Variants in AUTS2 observed in about 807,000 individuals in gnomAD.
AUTS2 encodes activator of transcription and developmental regulator AUTS2.
A neutral mutation model predicts 112.4 loss-of-function variants in AUTS2; 17 were observed. That is an observed-to-expected ratio of 0.15 (90% CI 0.10 to 0.23). AUTS2 has a LOEUF of 0.23. Ranked by LOEUF, AUTS2 falls within the 10% of genes least tolerant of loss-of-function variation. AUTS2 has a pLI of 1.00. For missense variants in AUTS2, 1,510 were observed against 1,701.6 expected, an observed-to-expected ratio of 0.89 and a Z score of 1.98; for synonymous variants, 751 against 702.7, an observed-to-expected ratio of 1.07 and a Z score of -1.09.
chr7:70,789,362 A>T (rs1262949047), intron 18 of AUTS2, among the ~76,000 whole-genome samples: 1 of 152,214 alleles, frequency 6.6e-6, no homozygotes, highest in Non-Finnish European at 1.5e-5. Flanking sequence ...TCTTTACACT[A>T]GATGATCCCG....
At chr7:69,712,456 C>T (rs1327554308) in intron 1 of AUTS2, among the ~76,000 whole-genome samples, 4 of 151,998 alleles carry the variant, frequency 2.6e-5, no homozygotes, top group African/African-American at 4.8e-5. Flanking sequence ...CCAACAATTA[C>T]GTGTAAATGA....
intron 6 of AUTS2, among the ~76,000 whole-genome samples, chr7:70,728,469 G>A (rs1347869344): frequency 1.3e-5 from 2 of 152,074 alleles, no homozygotes; most frequent in Admixed American, 6.6e-5. Flanking sequence ...AGCATTTTGG[G>A]AGGCCGACAC....
intron 4 of AUTS2, among the ~76,000 whole-genome samples, chr7:70,179,884 G>T (rs992626115): frequency 1.3e-5 from 2 of 152,124 alleles, no homozygotes; most frequent in African/African-American, 4.8e-5. Flanking sequence ...GATCTAGCTG[G>T]ATGTTCAACA....
chr7:70,556,396 A>C (rs1264795350), intron 5 of AUTS2, among the ~76,000 whole-genome samples: 1 of 152,218 alleles, frequency 6.6e-6, no homozygotes, highest in Admixed American at 6.5e-5. Flanking sequence ...AGAAGGGAAG[A>C]GTGACATCTG....
At chr7:69,796,393 C>G (rs1287460688) in intron 1 of AUTS2, among the ~76,000 whole-genome samples, 1 of 152,132 alleles carries the variant, frequency 6.6e-6, no homozygotes, top group Non-Finnish European at 1.5e-5. Context: ...CATGGTGGTA[C>G]CCACCTGTAG....
chr7:70,743,468 C>CAAAAAAAAAAAAAAAAAAAAAAAAAAA (rs35444664), intron 6 of AUTS2, among the ~76,000 whole-genome samples: 1 of 71,246 alleles, frequency 1.4e-5, no homozygotes. Flanking sequence ...GACTCTGTCT[C>CAAAAAAAAAAAAAAAAAAAAAAAAAAA]AAAAAAAAAA....
chr7:70,136,739 A>G (rs893543589), intron 4 of AUTS2, among the ~76,000 whole-genome samples: 3 of 152,224 alleles, frequency 2.0e-5, no homozygotes, highest in Admixed American at 6.5e-5. Flanking sequence ...TCACCTGCAG[A>G]GTCCATGAGC....
chr7:70,013,125 G>A (rs1799879052), intron 2 of AUTS2, among the ~76,000 whole-genome samples: 1 of 152,160 alleles, frequency 6.6e-6, no homozygotes, highest in Non-Finnish European at 1.5e-5. Context: ...GACACAGCTG[G>A]AAACTTATTT....
In AUTS2 at chr7:69,909,023, G is replaced by A. The variant is rs139637264; in HGVS notation, c.522+9525G>A. ...CTTCAGTGACTCCAGTACAGGTGCT[G>A]CAGGAGCCATATTTTTAAATAAACT... On this transcript the variant is annotated intron_variant, in intron 2 of 18. Coordinates refer to ENST00000342771, the MANE Select transcript of AUTS2 (RefSeq NM_015570.4). 1.2e-4 allele frequency among the ~76,000 whole-genome samples: 18 copies of A among 152,248 alleles called. 1 individual carries two copies. In the East Asian group the frequency reaches 3.1e-3, roughly 26 times the overall value.
chr7:70,468,635 A>G (rs1234345199), intron 5 of AUTS2, among the ~76,000 whole-genome samples: 2 of 152,180 alleles, frequency 1.3e-5, no homozygotes, highest in Non-Finnish European at 2.9e-5. Context: ...AAATTTTTAA[A>G]GAGAAAGGAG....
At chr7:70,241,360 C>T (rs1265982824) in intron 4 of AUTS2, among the ~76,000 whole-genome samples, 6 of 152,142 alleles carry the variant, frequency 3.9e-5, no homozygotes, top group Non-Finnish European at 8.8e-5. Context: ...TTAAAACTCA[C>T]TCTATGCCTT....
At chr7:70,348,681 G>C (rs551828210) in intron 4 of AUTS2, among the ~76,000 whole-genome samples, 1 of 152,132 alleles carries the variant, frequency 6.6e-6, no homozygotes, top group Non-Finnish European at 1.5e-5. Flanking sequence ...GAGGTGGCGG[G>C]CGCCTGTAGT....
At chr7:69,985,049 A>G (rs1440609608) in intron 2 of AUTS2, among the ~76,000 whole-genome samples, 2 of 152,214 alleles carry the variant, frequency 1.3e-5, no homozygotes, top group Middle Eastern at 3.4e-3. Flanking sequence ...CTCTGAAACC[A>G]TTGAGAAGGT....
intron 5 of AUTS2, among the ~76,000 whole-genome samples, chr7:70,546,177 C>T (rs1269017195): frequency 6.6e-6 from 1 of 152,194 alleles, no homozygotes. Context: ...GGTGTGGTGG[C>T]TCATGCCTGT....
chr7:69,610,592 A>G (rs534606156), intron 1 of AUTS2, among the ~76,000 whole-genome samples: 3 of 152,280 alleles, frequency 2.0e-5, no homozygotes, highest in East Asian at 3.9e-4. Context: ...CTCCTGGAAG[A>G]CAGTGACTGT....
intron 4 of AUTS2, among the ~76,000 whole-genome samples, chr7:70,177,750 A>T (rs899703019): frequency 1.3e-5 from 2 of 152,088 alleles, no homozygotes; most frequent in East Asian, 3.9e-4. Context: ...AGCTTTCTGT[A>T]TACCACCCCA....
intron 2 of AUTS2, among the ~76,000 whole-genome samples, chr7:70,106,358 G>A (rs1804767033): frequency 6.6e-6 from 1 of 152,036 alleles, no homozygotes; most frequent in African/African-American, 2.4e-5. Flanking sequence ...TTGTTTCCAG[G>A]GGCACACCCC....
At chr7:69,769,706 T>C (rs1788581110) in intron 1 of AUTS2, among the ~76,000 whole-genome samples, 1 of 152,198 alleles carries the variant, frequency 6.6e-6, no homozygotes, top group Admixed American at 6.5e-5. Flanking sequence ...GCCAGTCTTT[T>C]GATGTTCCTG....
chr7:70,641,116 C>T (rs1805806069), intron 5 of AUTS2, among the ~76,000 whole-genome samples: 1 of 152,198 alleles, frequency 6.6e-6, no homozygotes, highest in Non-Finnish European at 1.5e-5. Flanking sequence ...TCTAGTTATG[C>T]TCAGTACTTT....
Sources: allele counts gnomAD v4.1 joint callset (sites outside exome capture counted in the v4.1 genomes callset), GRCh38; gene constraint gnomAD v4.1.1; transcripts MANE v1.5; gene names NCBI Gene and HGNC (gene_info 2026-07-23, HGNC 2026-07-21).